ADK: variants seen among roughly 807,000 people sequenced by gnomAD.
The protein encoded by ADK is N6,N6-dimethyladenosine kinase.
In ADK, 24 loss-of-function variants were observed where a neutral mutation model predicts 44.7. The observed-to-expected ratio is 0.54, with a 90% CI of 0.39 to 0.76. The LOEUF (loss-of-function observed/expected upper bound fraction) is 0.76, where lower values mean the gene tolerates loss of function less well. ADK is among the 30% of genes least tolerant of loss of function. The probability of loss-of-function intolerance (pLI) is 0.00; values close to 1 mark genes in which losing one functional copy is unlikely to be tolerated. For missense variants in ADK, 321 were observed against 425.1 expected (o/e 0.76, Z 2.15); for synonymous variants, 128 against 142.6 (o/e 0.90, Z 0.73).
chr10:74,298,169 A>G (rs1839883094), intron 3 of ADK, among the ~76,000 whole-genome samples: 1 of 152,216 alleles, frequency 6.6e-6, no homozygotes, highest in Non-Finnish European at 1.5e-5. Context: ...ACAGTGTTCC[A>G]AATTCATAGG....
chr10:74,152,040 A>G (rs1841610368), intron 1 of ADK, among the ~76,000 whole-genome samples: 1 of 152,260 alleles, frequency 6.6e-6, no homozygotes, highest in South Asian at 2.1e-4. Context: ...CCTTCCTAAT[A>G]AGTATAAAGT....
chr10:74,257,186 A>G (rs561770863), intron 3 of ADK, among the ~76,000 whole-genome samples: 4 of 101,438 alleles, frequency 3.9e-5, no homozygotes, highest in African/African-American at 1.6e-4. Context: ...TGGTTCCAGG[A>G]CCCAAGTCTA....
chr10:74,602,639 A>G (rs1475674189), intron 9 of ADK, among the ~76,000 whole-genome samples: 1 of 152,178 alleles, frequency 6.6e-6, no homozygotes, highest in Non-Finnish European at 1.5e-5. Context: ...GACACTGGCT[A>G]ATCTTTGCTG....
intron 3 of ADK, among the ~76,000 whole-genome samples, chr10:74,245,850 C>CA (rs909119246): frequency 6.6e-6 from 1 of 152,074 alleles, no homozygotes; most frequent in African/African-American, 2.4e-5. Context: ...CTCAGCCTCC[C>CA]AAAGTGGGAT....
At chr10:74,295,344 C>G (rs987454037) in intron 3 of ADK, among the ~76,000 whole-genome samples, 2 of 151,792 alleles carry the variant, frequency 1.3e-5, no homozygotes, top group African/African-American at 2.4e-5. Flanking sequence ...TGCTTGTAAT[C>G]CCAGCTGCTT....
chr10:74,325,316 C>T (rs1840968505), intron 4 of ADK, among the ~76,000 whole-genome samples: 1 of 151,772 alleles, frequency 6.6e-6, no homozygotes, highest in Non-Finnish European at 1.5e-5. Flanking sequence ...TATAGAAATG[C>T]TTTTGTATGT....
intron 7 of ADK, among the ~76,000 whole-genome samples, chr10:74,529,090 T>C (rs968421361): frequency 1.4e-4 from 22 of 152,166 alleles, no homozygotes; most frequent in Admixed American, 3.9e-4. Flanking sequence ...TTATTCACAA[T>C]AGCTAAGATA....
At chr10:74,200,503 AT>A (rs144056777) in intron 1 of ADK, among the ~76,000 whole-genome samples, 12 of 149,770 alleles carry the variant, frequency 8.0e-5, no homozygotes, top group Non-Finnish European at 1.3e-4. Flanking sequence ...AAAAAAAAAA[AT>A]AGGTATTCTC....
intron 4 of ADK, among the ~76,000 whole-genome samples, chr10:74,321,495 G>T (rs1840807486): frequency 1.3e-5 from 2 of 151,852 alleles, no homozygotes; most frequent in South Asian, 4.2e-4. Flanking sequence ...TATTAACCGG[G>T]CTGGTCTTGA....
At chr10:74,664,555 A>G (rs1311523347) in intron 9 of ADK, among the ~76,000 whole-genome samples, 1 of 152,220 alleles carries the variant, frequency 6.6e-6, no homozygotes, top group Non-Finnish European at 1.5e-5. Flanking sequence ...ACTAAAAGTA[A>G]TATGTGGCCA....
At chr10:74,335,100 A>G (rs967971379) in intron 4 of ADK, among the ~76,000 whole-genome samples, 1 of 152,116 alleles carries the variant, frequency 6.6e-6, no homozygotes, top group Admixed American at 6.5e-5. Context: ...CCCTTTGGCA[A>G]TGATGCAACC....
intron 6 of ADK, among the ~76,000 whole-genome samples, chr10:74,445,815 A>G (rs1845570135): frequency 6.6e-6 from 1 of 152,060 alleles, no homozygotes; most frequent in Admixed American, 6.5e-5. Flanking sequence ...GGAAAACATC[A>G]AGTATGAATG....
At chr10:74,500,718 T>C (rs560040578) in intron 6 of ADK, among the ~76,000 whole-genome samples, 2 of 152,338 alleles carry the variant, frequency 1.3e-5, no homozygotes, top group Admixed American at 1.3e-4. Context: ...TCCGATGTCA[T>C]GGAGCAAGTG....
intron 6 of ADK, among the ~76,000 whole-genome samples, chr10:74,442,403 T>C (rs538474475): frequency 6.6e-6 from 1 of 152,226 alleles, no homozygotes; most frequent in Admixed American, 6.5e-5. Context: ...CCCAGCACTG[T>C]GGAAGGCCGA....
intron 9 of ADK, among the ~76,000 whole-genome samples, chr10:74,652,050 C>CTT (rs1162009549): frequency 2.1e-5 from 3 of 140,418 alleles, no homozygotes; most frequent in African/African-American, 5.4e-5. Flanking sequence ...TTCTTTCTTT[C>CTT]TTTTTTTTTT....
At chr10:74,409,582 C>T (rs1048656846) in intron 6 of ADK, among the ~76,000 whole-genome samples, 1 of 152,154 alleles carries the variant, frequency 6.6e-6, no homozygotes, top group South Asian at 2.1e-4. Context: ...TACAGGTCTT[C>T]TCTTTTCCTC....
intron 6 of ADK, among the ~76,000 whole-genome samples, chr10:74,504,109 C>A (rs772337146): frequency 6.6e-6 from 1 of 152,228 alleles, no homozygotes; most frequent in African/African-American, 2.4e-5. Flanking sequence ...TGTGCACTGA[C>A]ACCCCAGGGT....
intron 7 of ADK, among the ~76,000 whole-genome samples, chr10:74,526,484 G>T (rs1048692407): frequency 6.6e-6 from 1 of 152,290 alleles, no homozygotes; most frequent in East Asian, 1.9e-4. Flanking sequence ...TGAAGGTATT[G>T]TATTAATCAT....
Position 74,225,787 on chromosome 10 carries a change from AT to A in ADK, c.194+1203del, listed in dbSNP as rs1456551879. ...TCTCAAATATATATATTGTCAAGAAATTTTTTTGCTCTTTCTTTATTTCCTA... is the reference window on the plus strand; with the variant it reads ...TCTCAAATATATATATTGTCAAGAAATTTTTTGCTCTTTCTTTATTTCCTA... On this transcript the variant is annotated intron_variant, in intron 3 of 10. Coordinates refer to ENST00000539909, the MANE Select transcript of ADK (RefSeq NM_006721.4). Among the ~76,000 whole-genome samples, 3 of 152,026 alleles carry A rather than the reference AT, an allele frequency of 2.0e-5. No homozygotes were observed. In the East Asian group the frequency reaches 5.8e-4, roughly 29 times the overall value.
Sources: gnomAD v4.1 joint callset for allele counts (sites outside exome capture counted in the v4.1 genomes callset) on GRCh38, gnomAD v4.1.1 for gene constraint, MANE v1.5 for transcripts, NCBI Gene and HGNC (gene_info 2026-07-23, HGNC 2026-07-21) for gene names.